Variants in EML5 observed in about 807,000 individuals in gnomAD.
EML5 encodes echinoderm microtubule-associated protein-like 5.
EML5 carries 120 observed loss-of-function variants against 250.0 expected under a neutral mutation model. The ratio of observed to expected loss-of-function variants is 0.48; its 90% CI spans 0.41 to 0.56. EML5 has a LOEUF of 0.56. Ranked by LOEUF, EML5 falls within the 20% of genes least tolerant of loss-of-function variation. EML5 has a pLI of 0.00. For synonymous variants in EML5, 771 were observed against 806.5 expected (o/e 0.96, Z 0.75); for missense variants, 2,006 against 2,437.6 (o/e 0.82, Z 3.73).
intron 21 of EML5, among the ~76,000 whole-genome samples, chr14:88,667,826 G>T (rs1312653150): frequency 6.6e-6 from 1 of 152,182 alleles, no homozygotes; most frequent in African/African-American, 2.4e-5. Flanking sequence ...CAATTTAGCT[G>T]CAATTTGCGG....
intron 25 of EML5, among the ~76,000 whole-genome samples, chr14:88,659,459 G>A (rs1426243729): frequency 1.3e-5 from 2 of 152,154 alleles, no homozygotes; most frequent in Non-Finnish European, 2.9e-5. Context: ...TGATCCACCT[G>A]CCTCGGCCTC....
chr14:88,774,644 A>G (rs989804751), intron 1 of EML5, among the ~76,000 whole-genome samples: 1 of 151,510 alleles, frequency 6.6e-6, no homozygotes, highest in African/African-American at 2.4e-5. Flanking sequence ...ATGATCTTAT[A>G]CTCTTGGTTT....
chr14:88,783,036 G>A (rs2094512947), intron 1 of EML5, among the ~76,000 whole-genome samples: 1 of 151,970 alleles, frequency 6.6e-6, no homozygotes, highest in South Asian at 2.1e-4. Flanking sequence ...CCAAGATTGA[G>A]CCACTGCACT....
At chr14:88,725,293 T>C (rs12886978) in intron 8 of EML5, among the ~76,000 whole-genome samples, 2 of 152,086 alleles carry the variant, frequency 1.3e-5, no homozygotes, top group African/African-American at 4.8e-5. Context: ...TTAAAAATGG[T>C]TGAAATGTGA....
chr14:88,781,603 C>G (rs1467060960), intron 1 of EML5, among the ~76,000 whole-genome samples: 1 of 152,104 alleles, frequency 6.6e-6, no homozygotes, highest in Non-Finnish European at 1.5e-5. Context: ...CTCATAATCC[C>G]CAGACATGGG....
chr14:88,694,074 A>G lies in EML5; in HGVS notation c.2539+233T>C, dbSNP rs148195475. Among the ~76,000 whole-genome samples, 4 of 152,060 alleles carry G rather than the reference A, an allele frequency of 2.6e-5. No homozygotes were observed. In the East Asian group the frequency reaches 7.7e-4, roughly 29 times the overall value. ...AGGCATGAGTCACTGTGCCCAGCCA[A>G]TGTTGACATCTTATATTACCATAGA... On this transcript the variant is annotated intron_variant, in intron 17 of 43. Transcript: ENST00000554922.
At chr14:88,734,019 AAAGC>A (rs1324366464) in intron 7 of EML5, among the ~76,000 whole-genome samples, 1 of 152,178 alleles carries the variant, frequency 6.6e-6, no homozygotes, top group African/African-American at 2.4e-5. Flanking sequence ...AGTAAAAAAA[AAAGC>A]AAGTAACAAA....
chr14:88,665,251 T>C (rs926997096), intron 22 of EML5, 86 bp downstream of exon 22: 6 of 1,391,930 alleles, frequency 4.3e-6, no homozygotes, highest in East Asian at 2.5e-5. Flanking sequence ...TGAGATAACA[T>C]AACAGTTAAT....
chr14:88,652,593 G>A (rs903593872), intron 27 of EML5, among the ~76,000 whole-genome samples: 1 of 152,140 alleles, frequency 6.6e-6, no homozygotes, highest in Non-Finnish European at 1.5e-5. Context: ...AACTGTGAAT[G>A]AATTCCCTTT....
chr14:88,712,584 C>A, intron 9 of EML5, 101 bp from the exon 10 acceptor site: 1 of 852,852 alleles, frequency 1.2e-6, no homozygotes, highest in Non-Finnish European at 1.8e-6. Context: ...TTTAATGTAT[C>A]TTCCCACCCC....
chr14:88,646,711 CTT>C (rs1042356824), intron 29 of EML5, among the ~76,000 whole-genome samples: 7 of 151,910 alleles, frequency 4.6e-5, no homozygotes, highest in Non-Finnish European at 8.8e-5. Context: ...AATTATACAA[CTT>C]ATAAAATTAT....
chr14:88,723,771 A>T lies in EML5; in HGVS notation c.1187+2770T>A, dbSNP rs1457839115. Among the ~76,000 whole-genome samples, 3 of 152,312 alleles carry T rather than the reference A, an allele frequency of 2.0e-5. No individual in the cohort carries two copies. The East Asian group carries it at 5.8e-4, about 29-fold the overall frequency. ...TGAAGCTGGGGGGACACAAAAATAA[A>T]TTTTTAAAAAGGCAGACTGGTTACA... On this transcript the variant is annotated intron_variant, in intron 8 of 43. Coordinates refer to ENST00000554922, the MANE Select transcript of EML5 (RefSeq NM_183387.3).
chr14:88,615,794 T>C lies in EML5; in HGVS notation c.*24A>G. 1 of 1,607,116 alleles carries C rather than the reference T, an allele frequency of 6.2e-7. No homozygotes were observed. The highest frequency in any genetic ancestry group is 1.1e-5 in the South Asian group (1 of 89,020). Reference sequence around the variant, plus strand: ...TCTGTAATTCTGGTCTCAAAGTTAATTTCTGTAGTCATCTCAGCATCTCTC... The same window carrying C: ...TCTGTAATTCTGGTCTCAAAGTTAACTTCTGTAGTCATCTCAGCATCTCTC... On this transcript the variant is annotated 3_prime_UTR_variant, in exon 44 of 44. Transcript: ENST00000554922.
At position 88,792,225 on chromosome 14, in the gene EML5, T is replaced by C; in HGVS notation, c.197+82A>G. The stretch of plus-strand genomic sequence containing the variant: ...GGGGTGATGCTCCGTGCAGGAGCGG[T>C]CACGGCGTCCAGAGGAACCCGCGGG... On this transcript the variant is annotated intron_variant, in intron 1 of 43. Transcript: ENST00000554922. This position sits in a 1 kb window ranked among gnomAD's most constrained non-coding sequence, Gnocchi z 6.9. The C allele has an allele frequency of 6.7e-7, 1 of 1,497,596 alleles. No homozygotes were observed. The highest frequency in any genetic ancestry group is 9.0e-7 in the Non-Finnish European group (1 of 1,116,230). 92.8% of individuals were successfully genotyped at this position (1,497,596 alleles called of 1,614,324 possible).
intron 15 of EML5, 132 bp downstream of exon 15, chr14:88,696,715 A>G (rs1036472382): frequency 1.9e-4 from 103 of 529,788 alleles, no homozygotes; most frequent in Middle Eastern, 8.2e-4. Context: ...TAAGGATAAC[A>G]GTATACACAT....
At position 88,792,175 on chromosome 14, in the gene EML5, A is replaced by G; in HGVS notation, c.197+132T>C. ...GGTGTTAACTGGTGGACTCGGGACC[A>G]GAGAGACAGCTGCGGATTCCCCTCG... is the stretch of plus-strand genomic sequence containing the variant. On this transcript the variant is annotated intron_variant, in intron 1 of 43. Transcript: ENST00000554922. This position sits in a 1 kb window ranked among gnomAD's most constrained non-coding sequence, Gnocchi z 6.9. The G allele has an allele frequency of 2.7e-6, 3 of 1,098,478 alleles. No individual in the cohort carries two copies. Among genetic ancestry groups the G allele is most frequent in the Non-Finnish European group, 3.8e-6 (3 of 786,020 alleles). 68.0% of individuals were successfully genotyped at this position (1,098,478 alleles called of 1,614,324 possible).
At chr14:88,694,447 T>A in intron 16 of EML5, 40 bp from the exon 17 acceptor site, 1 of 1,367,600 alleles carries the variant, frequency 7.3e-7, no homozygotes, top group Non-Finnish European at 1.0e-6. Flanking sequence ...TGAAGATTCA[T>A]CATTCCTGTA....
intron 31 of EML5, among the ~76,000 whole-genome samples, chr14:88,640,033 G>A (rs1054068267): frequency 6.6e-6 from 1 of 152,160 alleles, no homozygotes; most frequent in Non-Finnish European, 1.5e-5. Context: ...AATGAGTTCA[G>A]AGCAGTAGGT....
intron 28 of EML5, 139 bp downstream of exon 28, chr14:88,649,773 T>C: frequency 1.5e-6 from 1 of 645,508 alleles, no homozygotes; most frequent in Non-Finnish European, 2.6e-6. Context: ...TTTATAGAAT[T>C]TGTCCTACTT....
Sources: allele counts gnomAD v4.1 joint callset (sites outside exome capture counted in the v4.1 genomes callset), GRCh38; gene constraint gnomAD v4.1.1; non-coding constraint Gnocchi (gnomAD v3.1); transcripts MANE v1.5; gene names NCBI Gene and HGNC (gene_info 2026-07-23, HGNC 2026-07-21).